GPC6: variants seen among roughly 807,000 people sequenced by gnomAD.
GPC6 encodes the protein glypican 6.
In GPC6, 14 loss-of-function variants were observed where a neutral mutation model predicts 55.2. The observed-to-expected ratio is 0.25, with a 90% CI of 0.17 to 0.40. The LOEUF is 0.40. GPC6 is among the 10% of genes least tolerant of loss of function. The pLI is 1.00. For synonymous variants in GPC6, 278 were observed against 259.6 expected (o/e 1.07, Z -0.68); for missense variants, 641 against 708.5 (o/e 0.90, Z 1.08).
At chr13:93,650,824 A>T (rs1243222492) in intron 2 of GPC6, among the ~76,000 whole-genome samples, 1 of 152,138 alleles carries the variant, frequency 6.6e-6, no homozygotes, top group Non-Finnish European at 1.5e-5. Flanking sequence ...CCTTTGGATG[A>T]TTACATTCTG....
At chr13:93,570,681 A>G (rs775890453) in intron 2 of GPC6, among the ~76,000 whole-genome samples, 7 of 152,178 alleles carry the variant, frequency 4.6e-5, no homozygotes, top group South Asian at 2.1e-4. Context: ...ACATATAACA[A>G]AGAACTTTTT....
At chr13:93,310,898 T>A (rs1408237612) in intron 1 of GPC6, among the ~76,000 whole-genome samples, 2 of 152,198 alleles carry the variant, frequency 1.3e-5, no homozygotes, top group African/African-American at 4.8e-5. Context: ...ACTACTACTA[T>A]TTTATTATAA....
At chr13:93,440,701 A>T (rs1445758018) in intron 1 of GPC6, among the ~76,000 whole-genome samples, 1 of 144,604 alleles carries the variant, frequency 6.9e-6, no homozygotes, top group Admixed American at 6.9e-5. Flanking sequence ...TTATACACTG[A>T]TTTTTTATTA....
chr13:93,364,696 T>TACAC (rs150594973), intron 1 of GPC6, among the ~76,000 whole-genome samples: 7 of 145,816 alleles, frequency 4.8e-5, no homozygotes, highest in East Asian at 2.0e-4. Context: ...TATATATATA[T>TACAC]ACACACACAC....
rs570832426 is a variant in GPC6 at position 94,030,654 on chromosome 13, C to T, written c.877+2760C>T. Among the ~76,000 whole-genome samples, 16 of 152,246 alleles carry T rather than the reference C, an allele frequency of 1.1e-4. 1 individual carries two copies. The highest frequency in any genetic ancestry group is 3.4e-4 in the African/African-American group (14 of 41,550). ...AGCACCTGCAGCCCATCACTTTGGG[C>T]TTCTGGCATCTCTTCATCAAAACCT... On this transcript the variant is annotated intron_variant, in intron 4 of 8. Coordinates refer to ENST00000377047, the MANE Select transcript of GPC6 (RefSeq NM_005708.5).
At chr13:93,807,910 T>C (rs1232030064) in intron 2 of GPC6, among the ~76,000 whole-genome samples, 1 of 152,140 alleles carries the variant, frequency 6.6e-6, no homozygotes, top group Non-Finnish European at 1.5e-5. Context: ...GACAAAGAGG[T>C]TTCTGGGACA....
At chr13:93,773,890 A>T (rs1366531776) in intron 2 of GPC6, among the ~76,000 whole-genome samples, 2 of 152,164 alleles carry the variant, frequency 1.3e-5, no homozygotes, top group African/African-American at 2.4e-5. Context: ...ATCTTCTTTT[A>T]AGGGAGAGAT....
intron 4 of GPC6, among the ~76,000 whole-genome samples, chr13:94,277,530 C>A (rs1892251511): frequency 6.6e-6 from 1 of 152,046 alleles, no homozygotes; most frequent in African/African-American, 2.4e-5. Flanking sequence ...AATGGTATTG[C>A]CTAGATTTTC....
intron 3 of GPC6, among the ~76,000 whole-genome samples, chr13:93,886,529 A>G (rs1172449925): frequency 6.6e-6 from 1 of 152,052 alleles, no homozygotes; most frequent in Non-Finnish European, 1.5e-5. Context: ...AATTTTGGCT[A>G]TATTGAAGCT....
intron 2 of GPC6, among the ~76,000 whole-genome samples, chr13:93,816,175 A>C (rs2138957913): frequency 6.6e-6 from 1 of 152,242 alleles, no homozygotes; most frequent in East Asian, 1.9e-4. Context: ...ATAATGAACA[A>C]TGAAATTTTA....
intron 2 of GPC6, among the ~76,000 whole-genome samples, chr13:93,711,241 C>T (rs2138808788): frequency 6.6e-6 from 1 of 151,906 alleles, no homozygotes; most frequent in Middle Eastern, 3.4e-3. Context: ...GGATGTGACT[C>T]ACAGTTCCAC....
At chr13:94,017,052 C>G (rs1185176516) in intron 3 of GPC6, among the ~76,000 whole-genome samples, 1 of 152,122 alleles carries the variant, frequency 6.6e-6, no homozygotes, top group Non-Finnish European at 1.5e-5. Context: ...CCAGGCTGGT[C>G]TTGAACTCCT....
At chr13:93,225,678 A>C (rs1283298944), upstream of GPC6, among the ~76,000 whole-genome samples, 1 of 152,146 alleles carries the variant, frequency 6.6e-6, no homozygotes, top group Non-Finnish European at 1.5e-5. Context: ...AAAGAGAGGA[A>C]GACAATGTAC....
rs141145997 is a variant in GPC6 at position 93,319,537 on chromosome 13, G to C, written c.160+91921G>C. ...GAGACCTTGTGAGAACTAAAACTTT[G>C]GAAGCAGGAGTAAAATAAAGAGTAG... On this transcript the variant is annotated intron_variant, in intron 1 of 8. Transcript: ENST00000377047. Among the ~76,000 whole-genome samples, 757 of 152,058 alleles carry C rather than the reference G, an allele frequency of 5.0e-3. 6 individuals are homozygous for C. The highest frequency in any genetic ancestry group is 0.017 in the African/African-American group (710 of 41,530).
chr13:93,669,079 A>G (rs1881256670), intron 2 of GPC6, among the ~76,000 whole-genome samples: 1 of 152,202 alleles, frequency 6.6e-6, no homozygotes. Context: ...TTGCCTGAAC[A>G]ATCACCATTT....
At chr13:94,351,972 AAAAAAAAAAAGAAAAAGAAAAAAAAT>A (rs1202738216) in intron 6 of GPC6, among the ~76,000 whole-genome samples, 1 of 149,636 alleles carries the variant, frequency 6.7e-6, no homozygotes, top group Non-Finnish European at 1.5e-5. Flanking sequence ...CAAAAAAAAA[AAAAAAAAAAAGAAAAAGAAAAAAAAT>A]AAAAGAAAAT....
At chr13:93,661,963 G>A (rs2139614085) in intron 2 of GPC6, among the ~76,000 whole-genome samples, 1 of 152,240 alleles carries the variant, frequency 6.6e-6, no homozygotes, top group African/African-American at 2.4e-5. Flanking sequence ...GCCATGACTA[G>A]TTACTAAGCT....
At chr13:93,450,370 C>G (rs771340969) in intron 1 of GPC6, among the ~76,000 whole-genome samples, 2 of 152,130 alleles carry the variant, frequency 1.3e-5, no homozygotes, top group Non-Finnish European at 2.9e-5. Context: ...TTATGTGAGC[C>G]TCCTCATCTG....
At chr13:94,018,235 T>C (rs1230620280) in intron 3 of GPC6, among the ~76,000 whole-genome samples, 4 of 152,188 alleles carry the variant, frequency 2.6e-5, no homozygotes, top group Admixed American at 6.5e-5. Flanking sequence ...GTTTCTTATG[T>C]TGAATCACCC....
Sources: gnomAD v4.1 joint callset for allele counts (sites outside exome capture counted in the v4.1 genomes callset) on GRCh38, gnomAD v4.1.1 for gene constraint, MANE v1.5 for transcripts, NCBI Gene and HGNC (gene_info 2026-07-23, HGNC 2026-07-21) for gene names.